SLC35F4: variants seen among roughly 807,000 people sequenced by gnomAD.
SLC35F4 encodes the protein solute carrier family 35 member F4.
A neutral mutation model predicts 44.2 loss-of-function variants in SLC35F4; 24 were observed. That is an observed-to-expected ratio of 0.54 (90% confidence interval 0.39 to 0.76). The LOEUF is 0.76. Ranked by LOEUF, SLC35F4 falls within the 30% of genes least tolerant of loss-of-function variation. SLC35F4 has a pLI of 0.00. For synonymous variants in SLC35F4, 238 were observed against 223.6 expected (o/e 1.06, Z -0.57); for missense variants, 562 against 586.1 (o/e 0.96, Z 0.42).
intron 1 of SLC35F4, among the ~76,000 whole-genome samples, chr14:57,610,966 T>G (rs1489140899): frequency 6.6e-6 from 1 of 152,252 alleles, no homozygotes; most frequent in Non-Finnish European, 1.5e-5. Context: ...TTCTAAGTTC[T>G]GTGAAGAACG....
chr14:57,664,807 A>G (rs2074253889), intron 1 of SLC35F4, among the ~76,000 whole-genome samples: 1 of 152,162 alleles, frequency 6.6e-6, no homozygotes, highest in Non-Finnish European at 1.5e-5. Context: ...AGTTGCTTCC[A>G]TGAAAATCAG....
chr14:57,905,751 G>A (rs1015266124), intron 1 of SLC35F4, among the ~76,000 whole-genome samples: 1 of 152,120 alleles, frequency 6.6e-6, no homozygotes, highest in Admixed American at 6.6e-5. Context: ...AAAGAAAGAT[G>A]CTTTTACAAG....
At chr14:57,705,860 G>A (rs2075660532) in intron 1 of SLC35F4, among the ~76,000 whole-genome samples, 2 of 152,056 alleles carry the variant, frequency 1.3e-5, no homozygotes, top group Admixed American at 6.6e-5. Context: ...ATGTTTCCTC[G>A]AAGTTAGTTT....
intron 1 of SLC35F4, among the ~76,000 whole-genome samples, chr14:57,762,056 C>T (rs182344841): frequency 1.6e-4 from 25 of 152,270 alleles, no homozygotes; most frequent in Admixed American, 5.9e-4. Flanking sequence ...CCCCTACTCC[C>T]GGTGAAATGA....
intron 1 of SLC35F4, among the ~76,000 whole-genome samples, chr14:57,615,665 A>T (rs1251667441): frequency 6.6e-6 from 1 of 151,972 alleles, no homozygotes; most frequent in African/African-American, 2.4e-5. Context: ...CTACTGCTTT[A>T]AGGAGTGTAT....
chr14:57,760,300 T>G (rs2077094099), intron 1 of SLC35F4, among the ~76,000 whole-genome samples: 1 of 152,224 alleles, frequency 6.6e-6, no homozygotes, highest in South Asian at 2.1e-4. Context: ...TTTTTCCCCA[T>G]GTGTAACATG....
chr14:57,742,608 C>A lies in SLC35F4; in HGVS notation c.103+123115G>T, dbSNP rs80244172. Among the ~76,000 whole-genome samples, 3 of 152,168 alleles carry A rather than the reference C, an allele frequency of 2.0e-5. No individual in the cohort carries two copies. The South Asian group carries it at 6.2e-4, about 32-fold the overall frequency. ...GAGACGTACAAAGAGACTAAGACTC[C>A]CATGCAATAATAATGGGAGACTTTA... On this transcript the variant is annotated intron_variant, in intron 1 of 7. Coordinates refer to ENST00000556826, the MANE Select transcript of SLC35F4 (RefSeq NM_001306087.2).
intron 6 of SLC35F4, among the ~76,000 whole-genome samples, chr14:57,568,772 A>G (rs182500973): frequency 1.1e-4 from 17 of 152,246 alleles, no homozygotes; most frequent in Non-Finnish European, 2.4e-4. Context: ...TTGAGGGTTG[A>G]TGGATGTTCT....
chr14:57,648,504 T>C, intron 1 of SLC35F4, among the ~76,000 whole-genome samples: 1 of 152,206 alleles, frequency 6.6e-6, no homozygotes, highest in Non-Finnish European at 1.5e-5. Flanking sequence ...AACACATTCA[T>C]GTGCCTTAAA....
At chr14:57,643,406 T>C (rs994041776) in intron 1 of SLC35F4, among the ~76,000 whole-genome samples, 11 of 152,194 alleles carry the variant, frequency 7.2e-5, no homozygotes, top group African/African-American at 2.6e-4. Flanking sequence ...AGATCAATAA[T>C]AACAATAATA....
intron 7 of SLC35F4, 52 bp from the exon 8 acceptor site, chr14:57,564,428 G>C: frequency 6.4e-7 from 1 of 1,553,524 alleles, no homozygotes; most frequent in South Asian, 1.2e-5. Context: ...TCTAAGCTTT[G>C]AAAACAAGTC....
At chr14:57,626,971 A>G (rs547844282) in intron 1 of SLC35F4, among the ~76,000 whole-genome samples, 1 of 152,250 alleles carries the variant, frequency 6.6e-6, no homozygotes, top group East Asian at 1.9e-4. Flanking sequence ...TTCCTGGTTA[A>G]AGGGAAGAGA....
chr14:57,583,792 C>T (rs555799608), intron 3 of SLC35F4, among the ~76,000 whole-genome samples: 2 of 152,102 alleles, frequency 1.3e-5, no homozygotes, highest in South Asian at 4.2e-4. Context: ...AAATCCCATA[C>T]TATTTAAGCA....
intron 1 of SLC35F4, among the ~76,000 whole-genome samples, chr14:57,906,802 A>G (rs991805549): frequency 6.6e-6 from 1 of 152,228 alleles, no homozygotes; most frequent in Non-Finnish European, 1.5e-5. Flanking sequence ...GGAAAGGGTC[A>G]TTACATTGCA....
chr14:57,781,240 A>T (rs1345980458), intron 1 of SLC35F4, among the ~76,000 whole-genome samples: 3 of 152,162 alleles, frequency 2.0e-5, no homozygotes, highest in African/African-American at 7.2e-5. Flanking sequence ...CCACTATATT[A>T]AAAAGTGGGC....
intron 1 of SLC35F4, among the ~76,000 whole-genome samples, chr14:57,775,068 T>C (rs2140706542): frequency 6.6e-6 from 1 of 152,224 alleles, no homozygotes; most frequent in African/African-American, 2.4e-5. Flanking sequence ...TGGAGAACAG[T>C]GGACCCAACG....
chr14:57,607,430 C>A (rs951255165), intron 1 of SLC35F4, among the ~76,000 whole-genome samples: 1 of 152,182 alleles, frequency 6.6e-6, no homozygotes, highest in African/African-American at 2.4e-5. Context: ...AGCTAAACAA[C>A]CAGCATCAGT....
chr14:57,726,230 A>G (rs1414142819), intron 1 of SLC35F4, among the ~76,000 whole-genome samples: 2 of 152,184 alleles, frequency 1.3e-5, no homozygotes, highest in Non-Finnish European at 2.9e-5. Context: ...ATGGGAAACT[A>G]TAATAGCCCA....
At chr14:57,919,025 G>A (rs998808762) in intron 1 of SLC35F4, among the ~76,000 whole-genome samples, 1 of 152,164 alleles carries the variant, frequency 6.6e-6, no homozygotes, top group Non-Finnish European at 1.5e-5. Context: ...TTGCATGCAG[G>A]TGTGACCACG....
Sources: allele counts gnomAD v4.1 joint callset (sites outside exome capture counted in the v4.1 genomes callset), GRCh38; gene constraint gnomAD v4.1.1; transcripts MANE v1.5; gene names NCBI Gene and HGNC (gene_info 2026-07-23, HGNC 2026-07-21).